Variants in CCNT1 observed in about 807,000 individuals in gnomAD.
CCNT1 encodes cyclin T1.
Under a neutral mutation model 67.3 loss-of-function variants are expected in CCNT1, and 18 were observed. That is an observed-to-expected ratio of 0.27 (90% CI 0.18 to 0.40). The LOEUF is 0.40. Ranked by LOEUF, CCNT1 falls within the 10% of genes least tolerant of loss-of-function variation. CCNT1 has a pLI of 1.00. For missense variants in CCNT1, 744 were observed against 884.9 expected (o/e 0.84, Z 2.02); for synonymous variants, 333 against 310.3 (o/e 1.07, Z -0.77).
At chr12:48,702,384 G>A (rs370767899) in intron 3 of CCNT1, among the ~76,000 whole-genome samples, 151 of 152,356 alleles carry the variant, frequency 9.9e-4, no homozygotes, top group African/African-American at 3.5e-3. Context: ...ATTTGTGCCA[G>A]CCAAAGCTAT....
chr12:48,696,072 C>T lies in CCNT1; in HGVS notation c.633G>A (p.Glu211=). 6.2e-7 allele frequency: 1 copy of T among 1,613,966 alleles called. No individual in the cohort carries two copies. The highest frequency in any genetic ancestry group is 8.5e-7 in the Non-Finnish European group (1 of 1,179,964). The part of the protein sequence containing the change: ...IHLACKWSNW[E]IPVSTDGKHW... ...GCTTCCCGTCAGTTGAGACTGGGAT[C>T]TCCCAATTGGACCACTTGCAAGCCA... The change falls in exon 7 of 9, where the codon GAG becomes GAA. Residue 211 remains glutamate, a synonymous_variant. Transcript: ENST00000261900.
At position 48,694,067 on chromosome 12, in the gene CCNT1, G is replaced by C. The variant is rs994102048; in HGVS notation, c.1147C>G (p.Pro383Ala). 1 of 1,614,202 alleles carries C rather than the reference G, an allele frequency of 6.2e-7. No individual in the cohort carries two copies. The highest frequency in any genetic ancestry group is 8.5e-7 in the Non-Finnish European group (1 of 1,180,044). ...TCTTTCAGTGACACTTTAGCTGATG[G>C]CACACTCTTACTATTCTGCTTCTGG... Reference protein sequence around the residue: ...ISQKQNSKSVPSAKVSLKEYR... With the variant: ...ISQKQNSKSVASAKVSLKEYR... Residue 383 changes from proline to alanine, a missense_variant, in exon 9 of 9, where the codon CCA becomes GCA. Pro to Ala is a conservative substitution (Grantham distance 27, BLOSUM62 -1). Around this residue, in one of 3 missense-constraint regions of CCNT1, gnomAD observed 564 missense variants for 574.2 expected, o/e 0.98. Coordinates refer to ENST00000261900, the MANE Select transcript of CCNT1 (RefSeq NM_001240.4).
At chr12:48,700,318 C>CAA (rs372908471) in intron 4 of CCNT1, among the ~76,000 whole-genome samples, 26,126 of 81,898 alleles carry the variant, frequency 0.32, 3,610 homozygotes, top group Middle Eastern at 0.43. Context: ...GACTCCGTCT[C>CAA]AAAAAAAAAA....
intron 2 of CCNT1, among the ~76,000 whole-genome samples, chr12:48,713,263 G>A (rs538584838): frequency 2.1e-4 from 31 of 147,730 alleles, no homozygotes; most frequent in Admixed American, 1.6e-3. Context: ...TCCAACTCCT[G>A]GGCTCAATCA....
chr12:48,711,962 T>G (rs539616336), intron 2 of CCNT1, among the ~76,000 whole-genome samples: 31 of 152,132 alleles, frequency 2.0e-4, no homozygotes, highest in African/African-American at 7.5e-4. Context: ...CCGGCTAATT[T>G]TTTTTGTATT....
rs974815747 is a variant in CCNT1 at position 48,689,581 on chromosome 12, G to A, written c.*3452C>T. 6.6e-6 allele frequency: 1 copy of A among 152,108 alleles called. No homozygotes were observed. The highest frequency in any genetic ancestry group is 1.5e-5 in the Non-Finnish European group (1 of 68,004). The allele number at this position is 152,108 out of a possible 1,614,324, so 9.4% of individuals were successfully genotyped here. A position where few individuals can be genotyped will look rare whatever the true frequency, so the allele number is the denominator to read the frequency against. ...GCATAGACTGCTTAAATTCTCCCAAGACCAAAAGAATAAAATTTGTATTTC... is the reference window on the plus strand; with the variant it reads ...GCATAGACTGCTTAAATTCTCCCAAAACCAAAAGAATAAAATTTGTATTTC... On this transcript the variant is annotated 3_prime_UTR_variant, in exon 9 of 9. Coordinates refer to ENST00000261900, the MANE Select transcript of CCNT1 (RefSeq NM_001240.4).
intron 6 of CCNT1, 85 bp from the exon 7 acceptor site, chr12:48,696,247 A>G (rs1281183752): frequency 1.4e-6 from 1 of 731,968 alleles, no homozygotes; most frequent in Non-Finnish European, 2.0e-6. Flanking sequence ...TTTAAAAAAA[A>G]AAAAAAAAAA....
chr12:48,706,488 A>C (rs890062592), intron 2 of CCNT1, among the ~76,000 whole-genome samples: 16 of 152,242 alleles, frequency 1.1e-4, no homozygotes, highest in Non-Finnish European at 2.9e-5. Flanking sequence ...CCTTTCAAAA[A>C]TACAAAGCAT....
intron 3 of CCNT1, among the ~76,000 whole-genome samples, chr12:48,703,573 C>T (rs1331159617): frequency 2.1e-5 from 3 of 145,512 alleles, no homozygotes; most frequent in Non-Finnish European, 3.0e-5. Context: ...AACTCCAACT[C>T]GAAAAAAAAG....
intron 3 of CCNT1, among the ~76,000 whole-genome samples, chr12:48,705,092 G>A (rs1940334395): frequency 6.6e-6 from 1 of 152,050 alleles, no homozygotes; most frequent in Non-Finnish European, 1.5e-5. Context: ...AAATTTTACT[G>A]CAACAAATAC....
chr12:48,711,004 T>G (rs373725627), intron 2 of CCNT1, among the ~76,000 whole-genome samples: 88 of 151,826 alleles, frequency 5.8e-4, no homozygotes, highest in African/African-American at 2.1e-3. Flanking sequence ...GAGGTTGCAG[T>G]GAGCTGAGAT....
At chr12:48,698,626 TGACATATTTGG>T (rs1940217888) in intron 5 of CCNT1, among the ~76,000 whole-genome samples, 2 of 152,200 alleles carry the variant, frequency 1.3e-5, no homozygotes, top group Admixed American at 1.3e-4. Flanking sequence ...TAGAAGACTT[TGACATATTTGG>T]GAAAAGTGAC....
intron 8 of CCNT1, among the ~76,000 whole-genome samples, chr12:48,695,155 A>G (rs1372108815): frequency 6.6e-6 from 1 of 152,214 alleles, no homozygotes; most frequent in Admixed American, 6.5e-5. Context: ...CAGGCTTCTA[A>G]GAGGCAAACT....
chr12:48,692,978 A>AT lies in CCNT1; in HGVS notation c.*54_*55insA. 1.7e-6 allele frequency: 2 copies of AT among 1,175,176 alleles called. No individual in the cohort carries two copies. The highest frequency in any genetic ancestry group is 1.2e-6 in the Non-Finnish European group (1 of 848,886). 72.8% of individuals were successfully genotyped at this position (1,175,176 alleles called of 1,614,324 possible). On this transcript the variant is annotated 3_prime_UTR_variant, in exon 9 of 9. Transcript: ENST00000261900. The stretch of plus-strand genomic sequence containing the variant: ...AATTTTCTTAGTCCAAAAAAAAAAA[A>AT]GAAAAATTATGTGTTTTTTTAAAGA...
rs1182252514 is a variant in CCNT1 at position 48,690,819 on chromosome 12, T to A, written c.*2214A>T. The A allele has an allele frequency of 6.6e-6, 1 of 152,178 alleles. No homozygotes were observed. 9.4% of individuals were successfully genotyped at this position (152,178 alleles called of 1,614,324 possible). A position where few individuals can be genotyped will look rare whatever the true frequency, so the allele number is the denominator to read the frequency against. ...GGAGTGCATGTGATTAGAAAATATG[T>A]GACATTTGATGAGAGTAACTAAAAG... On this transcript the variant is annotated 3_prime_UTR_variant, in exon 9 of 9. Transcript: ENST00000261900.
intron 2 of CCNT1, among the ~76,000 whole-genome samples, chr12:48,709,863 G>C (rs1212937007): frequency 6.6e-6 from 1 of 151,622 alleles, no homozygotes; most frequent in Non-Finnish European, 1.5e-5. Flanking sequence ...TTTTTACCAT[G>C]GGAATTTATT....
chr12:48,712,650 G>GAAGT lies in CCNT1; in HGVS notation c.243+1789_243+1792dup, dbSNP rs537089106. On this transcript the variant is annotated intron_variant, in intron 2 of 8. Transcript: ENST00000261900. ...AAATACTTGACTCACAAATCCATTTGAAGTATACAGCCGGTGCAGTGGCTC... is the reference window on the plus strand; with the variant it reads ...AAATACTTGACTCACAAATCCATTTGAAGTAAGTATACAGCCGGTGCAGTGGCTC... 5.2e-5 allele frequency among the ~76,000 whole-genome samples: 6 copies of GAAGT among 116,304 alleles called. No homozygotes were observed. The South Asian group carries it at 1.8e-3, about 36-fold the overall frequency. 76.3% of individuals were successfully genotyped at this position (116,304 alleles called of 152,430 possible).
chr12:48,693,125 C>T lies in CCNT1; in HGVS notation c.2089G>A (p.Gly697Arg). The change falls in exon 9 of 9, where the codon GGA (glycine) becomes AGA (arginine). Residue 697 changes from glycine (G) to arginine (R), a missense_variant. Coordinates refer to ENST00000261900, the MANE Select transcript of CCNT1 (RefSeq NM_001240.4). ...GTATTGCCAGATCTCGAGGAGATTC[C>T]ACCAGACCGAGGATTCAGATAGTCA... Reference protein sequence around the residue: ...YSDYLNPRSGGISSRSGNTDK... With the variant: ...YSDYLNPRSGRISSRSGNTDK... 6.2e-7 allele frequency: 1 copy of T among 1,614,024 alleles called. No individual in the cohort carries two copies. The highest frequency in any genetic ancestry group is 8.5e-7 in the Non-Finnish European group (1 of 1,180,008).
At chr12:48,698,235 T>C (rs751608884) in intron 5 of CCNT1, 52 bp from the exon 6 acceptor site, 1 of 1,245,644 alleles carries the variant, frequency 8.0e-7, no homozygotes, top group Admixed American at 2.3e-5. Flanking sequence ...AGTTATTAGT[T>C]CCATTCATTC....
Sources: gnomAD v4.1 joint callset for allele counts (sites outside exome capture counted in the v4.1 genomes callset) on GRCh38, gnomAD v4.1.1 for gene constraint, gnomAD v4.1.1 regional missense constraint, MANE v1.5 for transcripts, NCBI Gene and HGNC (gene_info 2026-07-23, HGNC 2026-07-21) for gene names.